Variants in RYR2 observed in about 807,000 individuals in gnomAD.
RYR2 encodes the protein ryanodine receptor 2, also known as cardiac muscle ryanodine receptor-calcium release channel.
RYR2 carries 227 observed loss-of-function variants against 601.1 expected under a neutral mutation model. That is an observed-to-expected ratio of 0.38 (90% CI 0.34 to 0.42). The LOEUF (loss-of-function observed/expected upper bound fraction) is 0.42. Ranked by LOEUF, RYR2 falls within the 10% of genes least tolerant of loss-of-function variation. The pLI, the probability that RYR2 is intolerant of heterozygous loss-of-function variation, is 1.00. For missense variants in RYR2, 4,646 were observed against 6,156.5 expected, an observed-to-expected ratio of 0.75 and a Z score of 8.21; for synonymous variants, 2,223 against 2,175.1, an observed-to-expected ratio of 1.02 and a Z score of -0.61.
At chr1:237,319,156 A>T (rs1695383186) in intron 2 of RYR2, among the ~76,000 whole-genome samples, 2 of 151,752 alleles carry the variant, frequency 1.3e-5, no homozygotes, top group Non-Finnish European at 2.9e-5. Flanking sequence ...TATTTTTGTA[A>T]TTTTTGCATC....
intron 1 of RYR2, among the ~76,000 whole-genome samples, chr1:237,247,407 C>G (rs538274328): frequency 1.3e-5 from 2 of 152,268 alleles, no homozygotes; most frequent in South Asian, 4.1e-4. Context: ...GGAAAGATTC[C>G]TGTCAGGGCT....
chr1:237,369,713 C>A, intron 6 of RYR2, 105 bp downstream of exon 6: 1 of 873,414 alleles, frequency 1.1e-6, no homozygotes, highest in Non-Finnish European at 1.8e-6. Context: ...TATTAATGAG[C>A]TTGGATGTTT....
intron 10 of RYR2, among the ~76,000 whole-genome samples, chr1:237,397,575 G>A (rs949552074): frequency 9.9e-5 from 15 of 152,148 alleles, no homozygotes; most frequent in Admixed American, 9.2e-4. Context: ...CTTGTTAAAG[G>A]AGCAATGCTT....
chr1:237,611,257 T>C (rs1353649853), intron 36 of RYR2, among the ~76,000 whole-genome samples: 1 of 152,182 alleles, frequency 6.6e-6, no homozygotes, highest in Non-Finnish European at 1.5e-5. Context: ...TTACTTACAA[T>C]GACAATGGCG....
rs1458037580 is a variant in RYR2 at position 237,108,687 on chromosome 1, C to T, written c.48+66118C>T. ...TGGAGGCTGCAGGGTGGAGGAGAGTCCCTCCTCCTGGCAATCAGGAATGGG... is the reference window on the plus strand; with the variant it reads ...TGGAGGCTGCAGGGTGGAGGAGAGTTCCTCCTCCTGGCAATCAGGAATGGG... On this transcript the variant is annotated intron_variant, in intron 1 of 104. Transcript: ENST00000366574. Among the ~76,000 whole-genome samples the T allele has an allele frequency of 2.9e-4, 44 of 152,088 alleles. 2 individuals carry two copies. The highest frequency in any genetic ancestry group is 2.9e-3 in the Admixed American group (44 of 15,272).
chr1:237,818,993 G>A, intron 100 of RYR2, 43 bp from the exon 101 acceptor site: 1 of 1,553,830 alleles, frequency 6.4e-7, no homozygotes, highest in Non-Finnish European at 8.8e-7. Flanking sequence ...AAAAAAAAAT[G>A]GGTAATGTCC....
intron 79 of RYR2, among the ~76,000 whole-genome samples, chr1:237,738,728 C>T (rs887150553): frequency 6.6e-6 from 1 of 151,862 alleles, no homozygotes; most frequent in East Asian, 1.9e-4. Context: ...GCAGATATAC[C>T]AGAGCTTATC....
intron 14 of RYR2, among the ~76,000 whole-genome samples, chr1:237,446,786 G>T (rs988679902): frequency 1.3e-5 from 2 of 152,070 alleles, no homozygotes; most frequent in Non-Finnish European, 2.9e-5. Flanking sequence ...TAAATCGAAT[G>T]GGGTATGCAC....
At chr1:237,401,862 T>C in intron 10 of RYR2, among the ~76,000 whole-genome samples, 1 of 152,146 alleles carries the variant, frequency 6.6e-6, no homozygotes, top group Non-Finnish European at 1.5e-5. Flanking sequence ...AACCACATCA[T>C]TAGCATAAAC....
intron 2 of RYR2, among the ~76,000 whole-genome samples, chr1:237,280,393 C>T (rs888755248): frequency 1.3e-5 from 2 of 152,154 alleles, no homozygotes; most frequent in Non-Finnish European, 2.9e-5. Flanking sequence ...TGTTTCTTCT[C>T]TCTACTTTAT....
At chr1:237,275,597 CA>C (rs1201646881) in intron 2 of RYR2, among the ~76,000 whole-genome samples, 1 of 151,422 alleles carries the variant, frequency 6.6e-6, no homozygotes, top group African/African-American at 2.4e-5. Flanking sequence ...TCAGAAGTTG[CA>C]AAGAGAAACG....
intron 1 of RYR2, among the ~76,000 whole-genome samples, chr1:237,178,765 A>G (rs1678372508): frequency 6.6e-6 from 1 of 152,130 alleles, no homozygotes; most frequent in Non-Finnish European, 1.5e-5. Flanking sequence ...TGATTACAAC[A>G]TTGTACTCTA....
intron 1 of RYR2, among the ~76,000 whole-genome samples, chr1:237,158,825 G>A (rs2148850481): frequency 6.6e-6 from 1 of 152,284 alleles, no homozygotes; most frequent in South Asian, 2.1e-4. Flanking sequence ...AGTTCCATGG[G>A]CCTAAGACTG....
chr1:237,082,554 TATAA>T (rs548317735), intron 1 of RYR2, among the ~76,000 whole-genome samples: 3,144 of 118,346 alleles, frequency 0.027, 72 homozygotes, highest in Middle Eastern at 0.08. Flanking sequence ...TATATATATA[TATAA>T]AATCGGATAT....
At chr1:237,474,957 C>G (rs1661237775) in intron 17 of RYR2, among the ~76,000 whole-genome samples, 1 of 152,146 alleles carries the variant, frequency 6.6e-6, no homozygotes, top group Admixed American at 6.6e-5. Context: ...GATAAAAGGC[C>G]TCTTACAATG....
chr1:237,376,558 G>A (rs1036224378), intron 7 of RYR2, among the ~76,000 whole-genome samples: 1 of 152,156 alleles, frequency 6.6e-6, no homozygotes, highest in Non-Finnish European at 1.5e-5. Context: ...TGGGATAGAA[G>A]TTGCATTTAG....
chr1:237,272,857 A>G (rs1689840815), intron 2 of RYR2, among the ~76,000 whole-genome samples: 1 of 152,026 alleles, frequency 6.6e-6, no homozygotes, highest in African/African-American at 2.4e-5. Context: ...CAAATTAAAG[A>G]AAAACTAATT....
Position 237,182,311 on chromosome 1 carries a change from G to A in RYR2, c.49-88186G>A, listed in dbSNP as rs564625326. Among the ~76,000 whole-genome samples, 175 of 151,950 alleles carry A rather than the reference G, an allele frequency of 1.2e-3. 1 individual carries two copies. The highest frequency in any genetic ancestry group is 3.4e-3 in the Middle Eastern group (1 of 294). On this transcript the variant is annotated intron_variant, in intron 1 of 104. Coordinates refer to ENST00000366574, the MANE Select transcript of RYR2 (RefSeq NM_001035.3). Reference sequence around the variant, plus strand: ...TTATTTTTGTATTTTTAGTAGAGACGGGATTTTACCATGTTGGCCAGGATG... The same window carrying A: ...TTATTTTTGTATTTTTAGTAGAGACAGGATTTTACCATGTTGGCCAGGATG...
At chr1:237,237,210 A>T (rs1228854457) in intron 1 of RYR2, among the ~76,000 whole-genome samples, 1 of 152,150 alleles carries the variant, frequency 6.6e-6, no homozygotes, top group Non-Finnish European at 1.5e-5. Flanking sequence ...CCAGTCTCAG[A>T]TATTTCTTTA....
Sources: allele counts gnomAD v4.1 joint callset (sites outside exome capture counted in the v4.1 genomes callset), GRCh38; gene constraint gnomAD v4.1.1; transcripts MANE v1.5; gene names NCBI Gene and HGNC (gene_info 2026-07-23, HGNC 2026-07-21).